The following COPA variants were observed in gnomAD, a reference collection of about 807,000 sequenced individuals.
COPA encodes the protein coatomer subunit alpha.
In COPA, 10 loss-of-function variants were observed where a neutral mutation model predicts 158.7. The observed-to-expected ratio is 0.06, with a 90% confidence interval of 0.04 to 0.11. The LOEUF is 0.11. Among genes scored for constraint, COPA ranks in the 10% least tolerant of loss-of-function variants. The probability of loss-of-function intolerance (pLI) is 1.00; values close to 1 mark genes in which losing one functional copy is unlikely to be tolerated. For synonymous variants in COPA, 462 were observed against 542.8 expected, an observed-to-expected ratio of 0.85 and a Z score of 2.07; for missense variants, 1,065 against 1,536.7, an observed-to-expected ratio of 0.69 and a Z score of 5.13.
chr1:160,331,385 G>A (rs1028739721), intron 6 of COPA, among the ~76,000 whole-genome samples: 5 of 152,092 alleles, frequency 3.3e-5, no homozygotes, highest in Non-Finnish European at 7.3e-5. Context: ...AGGCACAGGG[G>A]CTCATGTCTG....
chr1:160,312,492 C>A (rs945919877), intron 10 of COPA, among the ~76,000 whole-genome samples: 2 of 151,718 alleles, frequency 1.3e-5, no homozygotes, highest in African/African-American at 4.8e-5. Flanking sequence ...TCCCTACTAG[C>A]ACCATCATCC....
At chr1:160,329,064 C>T (rs1647389863) in intron 6 of COPA, among the ~76,000 whole-genome samples, 1 of 152,186 alleles carries the variant, frequency 6.6e-6, no homozygotes, top group Non-Finnish European at 1.5e-5. Flanking sequence ...GCTAATTCCT[C>T]TTCCTGTTTT....
intron 11 of COPA, among the ~76,000 whole-genome samples, chr1:160,311,284 C>T (rs1658958310): frequency 6.6e-6 from 1 of 151,426 alleles, no homozygotes; most frequent in Admixed American, 6.6e-5. Context: ...ACTCAAAATA[C>T]AAAATTAGCC....
chr1:160,336,287 C>T (rs1457081095), intron 3 of COPA, among the ~76,000 whole-genome samples: 1 of 151,078 alleles, frequency 6.6e-6, no homozygotes, highest in Non-Finnish European at 1.5e-5. Flanking sequence ...GAGTTGAGAT[C>T]GCTCCACTGC....
At chr1:160,319,104 TAA>T (rs763237168) in intron 8 of COPA, among the ~76,000 whole-genome samples, 1 of 152,064 alleles carries the variant, frequency 6.6e-6, no homozygotes, top group South Asian at 2.1e-4. Context: ...GCTAAACGGA[TAA>T]AGAGAGAAGA....
intron 3 of COPA, among the ~76,000 whole-genome samples, chr1:160,337,442 G>A (rs1364974550): frequency 1.3e-5 from 2 of 152,190 alleles, no homozygotes; most frequent in Non-Finnish European, 2.9e-5. Flanking sequence ...CGAATGGGCC[G>A]GGTGCGGTGG....
chr1:160,308,937 T>C, intron 13 of COPA, 164 bp downstream of exon 13: 1 of 581,314 alleles, frequency 1.7e-6, no homozygotes, highest in Non-Finnish European at 3.1e-6. Flanking sequence ...AACATGAATA[T>C]TTCACACCAT....
rs1001294693 is a variant in COPA at position 160,335,335 on chromosome 1, A to G, written c.229-13T>C. On this transcript the variant is annotated splice_polypyrimidine_tract_variant and intron_variant, in intron 3 of 32. Coordinates refer to ENST00000241704, the MANE Select transcript of COPA (RefSeq NM_004371.4). ...TGTAATTCCAAACCTGCAAAGACAA[A>G]TCAAACTAAGAAACAGAAATAGTTA... The G allele has an allele frequency of 6.2e-7, 1 of 1,604,304 alleles. No homozygotes were observed. The highest frequency in any genetic ancestry group is 1.3e-5 in the African/African-American group (1 of 74,480).
chr1:160,314,780 A>C (rs977058408), intron 8 of COPA, among the ~76,000 whole-genome samples: 1 of 152,136 alleles, frequency 6.6e-6, no homozygotes, highest in African/African-American at 2.4e-5. Context: ...TTTTAGAACA[A>C]ATATGAGCTC....
intron 6 of COPA, among the ~76,000 whole-genome samples, chr1:160,327,060 C>G (rs539265821): frequency 4.0e-5 from 6 of 151,832 alleles, no homozygotes; most frequent in Admixed American, 3.9e-4. Context: ...TGATAACAAA[C>G]CTTTGGAATG....
At chr1:160,304,587 C>G (rs773132318) in intron 17 of COPA, among the ~76,000 whole-genome samples, 36 of 152,050 alleles carry the variant, frequency 2.4e-4, no homozygotes, top group Admixed American at 1.2e-3. Context: ...TCACTTGAAC[C>G]CAGGAGGCGG....
chr1:160,303,497 T>G (rs1456820047), intron 17 of COPA, among the ~76,000 whole-genome samples: 1 of 152,194 alleles, frequency 6.6e-6, no homozygotes, highest in South Asian at 2.1e-4. Flanking sequence ...AAAAGTGGGA[T>G]TGAGCTTTCT....
intron 11 of COPA, 150 bp downstream of exon 11, chr1:160,311,718 G>T: frequency 1.4e-6 from 1 of 718,256 alleles, no homozygotes; most frequent in Non-Finnish European, 1.9e-6. Flanking sequence ...CTGCACTCCA[G>T]CCTGGGCGAC....
chr1:160,303,251 T>C (rs1658673663), intron 17 of COPA, among the ~76,000 whole-genome samples: 1 of 152,066 alleles, frequency 6.6e-6, no homozygotes, highest in South Asian at 2.1e-4. Context: ...AAAATTTACT[T>C]GAAAATACCC....
intron 24 of COPA, 36 bp from the exon 25 acceptor site, chr1:160,294,629 C>T (rs376927195): frequency 8.1e-5 from 131 of 1,610,706 alleles, no homozygotes; most frequent in Non-Finnish European, 1.0e-4. Flanking sequence ...CAGATTTGGG[C>T]AGTGGCATAA....
At chr1:160,299,359 C>A in intron 17 of COPA, 95 bp from the exon 18 acceptor site, 2 of 1,229,782 alleles carry the variant, frequency 1.6e-6, no homozygotes, top group Non-Finnish European at 2.3e-6. Context: ...TTGTCAAGTG[C>A]CATTTGAACA....
At chr1:160,340,156 T>G (rs1647972539) in intron 2 of COPA, 25 bp downstream of exon 2, 7 of 1,562,532 alleles carry the variant, frequency 4.5e-6, no homozygotes, top group Non-Finnish European at 6.2e-6. Flanking sequence ...TATACTCCTT[T>G]AACTTCCTCC....
intron 11 of COPA, among the ~76,000 whole-genome samples, 196 bp downstream of exon 11, chr1:160,311,672 G>A (rs1320216130): frequency 2.0e-5 from 3 of 151,154 alleles, no homozygotes; most frequent in African/African-American, 4.9e-5. Flanking sequence ...GTGTGAACCC[G>A]GGAGGCGGAG....
intron 6 of COPA, among the ~76,000 whole-genome samples, chr1:160,328,372 G>C (rs949081497): frequency 6.6e-6 from 1 of 152,190 alleles, no homozygotes; most frequent in Non-Finnish European, 1.5e-5. Context: ...CGGGAAAAGG[G>C]GAAGGGCAAA....
Sources: allele counts gnomAD v4.1 joint callset (sites outside exome capture counted in the v4.1 genomes callset), GRCh38; gene constraint gnomAD v4.1.1; transcripts MANE v1.5; gene names NCBI Gene and HGNC (gene_info 2026-07-23, HGNC 2026-07-21).